EMILIN1: variants seen among roughly 807,000 people sequenced by gnomAD.
The protein encoded by EMILIN1 is EMILIN-1.
Under a neutral mutation model 82.4 loss-of-function variants are expected in EMILIN1, and 49 were observed. The ratio of observed to expected loss-of-function variants is 0.59; its 90% CI spans 0.47 to 0.75. EMILIN1 has a LOEUF of 0.75. Among genes scored for constraint, EMILIN1 ranks in the 30% least tolerant of loss-of-function variants. EMILIN1 has a pLI of 0.00. For missense variants in EMILIN1, 1,313 were observed against 1,366.4 expected (o/e 0.96, Z 0.62); for synonymous variants, 604 against 602.2 (o/e 1.00, Z -0.04).
rs757238418 is a variant in EMILIN1, at chr2:27,080,178, G to A, written c.198G>A (p.Arg66=). Residue 66 remains arginine, a synonymous_variant, in exon 2 of 8, where the codon CGG becomes CGA. Transcript: ENST00000380320. ...ACTGGTGTGCCTACGTGGTGACCCG[G>A]ACAGTGAGCTGTGTCCTTGAGGATG... ...HRNWCAYVVT[R]TVSCVLEDGV... is the part of the protein sequence containing the mutation. The A allele has an allele frequency of 5.0e-6, 8 of 1,613,988 alleles. No individual in the cohort carries two copies. Among genetic ancestry groups the A allele is most frequent in the Middle Eastern group, 3.3e-4 (2 of 6,074 alleles).
intron 1 of EMILIN1, 124 bp from the exon 2 acceptor site, chr2:27,080,027 G>A: frequency 9.1e-7 from 1 of 1,095,448 alleles, no homozygotes; most frequent in East Asian, 2.5e-5. Context: ...CAAAGCCCTT[G>A]CTCTCACTGA....
At position 27,082,920 on chromosome 2, in the gene EMILIN1, G is replaced by A. The variant is rs371224998; in HGVS notation, c.1349G>A (p.Gly450Glu). Residue 450 changes from glycine to glutamate, a missense_variant, in exon 4 of 8, where the codon GGG becomes GAG. Transcript: ENST00000380320. ...PAARGRLEQL[G>E]GLLANVSGEL... is the part of the protein sequence containing the mutation. ...GCCCGGGGCCGACTAGAGCAGTTGG[G>A]GGGGCTGCTGGCCAATGTGAGCGGG... 15 of 1,596,526 alleles carry A rather than the reference G, an allele frequency of 9.4e-6. No homozygotes were observed. Among genetic ancestry groups the A allele is most frequent in the Admixed American group, 8.5e-5 (5 of 59,122 alleles).
In EMILIN1 at chr2:27,079,052, TG is replaced by T; in HGVS notation, c.-12del. 1 of 1,537,738 alleles carries T rather than the reference TG, an allele frequency of 6.5e-7. No homozygotes were observed. The highest frequency in any genetic ancestry group is 8.7e-7 in the Non-Finnish European group (1 of 1,147,798). Reference sequence around the variant, plus strand: ...CGGGATGAGTCTCTGAGGGCCACTGTGGAGCGCCCCGCCATGGCCCCCCGCA... The same window carrying T: ...CGGGATGAGTCTCTGAGGGCCACTGTGAGCGCCCCGCCATGGCCCCCCGCA... On this transcript the variant is annotated 5_prime_UTR_variant, in exon 1 of 8. Coordinates refer to ENST00000380320, the MANE Select transcript of EMILIN1 (RefSeq NM_007046.4).
chr2:27,078,730 G>A lies in EMILIN1; in HGVS notation c.-336G>A, dbSNP rs1175055052. On this transcript the variant is annotated 5_prime_UTR_variant, in exon 1 of 8. Coordinates refer to ENST00000380320, the MANE Select transcript of EMILIN1 (RefSeq NM_007046.4). ...GGCCAGCTGGGACGAGGGGGCGGAC[G>A]CCCAGGAGGCAACTTCTGAGACGCA... is the stretch of plus-strand genomic sequence containing the variant. The A allele has an allele frequency of 1.9e-5, 5 of 268,436 alleles. No individual in the cohort carries two copies. The highest frequency in any genetic ancestry group is 6.9e-5 in the East Asian group (1 of 14,534). 16.6% of individuals were successfully genotyped at this position (268,436 alleles called of 1,614,324 possible).
Position 27,085,862 on chromosome 2 carries a change from C to T in EMILIN1, c.2898C>T (p.Gly966=). The change falls in exon 8 of 8, where the codon GGC becomes GGT. Residue 966 remains glycine, a synonymous_variant. Coordinates refer to ENST00000380320, the MANE Select transcript of EMILIN1 (RefSeq NM_007046.4). ...KPVAESQPSP[G]TLGVFSLILP... ...TGGCCGAGAGCCAGCCCAGCCCGGG[C>T]ACCCTGGGCGTCTTCAGCCTCATCC... 1 of 1,602,068 alleles carries T rather than the reference C, an allele frequency of 6.2e-7. No homozygotes were observed. Among genetic ancestry groups the T allele is most frequent in the South Asian group, 1.1e-5 (1 of 89,952 alleles).
chr2:27,085,052 G>A (rs1669576091), intron 6 of EMILIN1, 44 bp downstream of exon 6: 2 of 1,613,196 alleles, frequency 1.2e-6, no homozygotes, highest in South Asian at 2.2e-5. Context: ...GTGACTAGGG[G>A]TTGGAGGATA....
At position 27,082,858 on chromosome 2, in the gene EMILIN1, T is replaced by C; in HGVS notation, c.1287T>C (p.Pro429=). The change falls in exon 4 of 8, where the codon CCT becomes CCC. Residue 429 remains proline, a synonymous_variant. Coordinates refer to ENST00000380320, the MANE Select transcript of EMILIN1 (RefSeq NM_007046.4). ...CGGAGGAGCAGGAGGAGAGCTGGCC[T>C]GGGGCTCCTGGGGGGCTGAGCCACT... ...GPSEEQEESW[P]GAPGGLSHWL... The C allele has an allele frequency of 1.3e-6, 2 of 1,585,340 alleles. No individual in the cohort carries two copies. Among genetic ancestry groups the C allele is most frequent in the South Asian group, 1.1e-5 (1 of 88,638 alleles).
At chr2:27,084,603 C>T (rs1322663995) in intron 5 of EMILIN1, 72 bp downstream of exon 5, 1 of 897,700 alleles carries the variant, frequency 1.1e-6, no homozygotes, top group African/African-American at 1.6e-5. Flanking sequence ...CCGCTGGCAG[C>T]CCCAGGCTTG....
At position 27,086,376 on chromosome 2, in the gene EMILIN1, TAA is replaced by T. The variant is rs1270026726; in HGVS notation, c.*363_*364del. Reference sequence around the variant, plus strand: ...ACCGCCATACTAAACGATCGAGGAATAAAGACACTTGGTTTTTCTAAAAAAAA... The same window carrying T: ...ACCGCCATACTAAACGATCGAGGAATAGACACTTGGTTTTTCTAAAAAAAA... On this transcript the variant is annotated 3_prime_UTR_variant, in exon 8 of 8. Transcript: ENST00000380320. 3 of 223,910 alleles carry T rather than the reference TAA, an allele frequency of 1.3e-5. No individual in the cohort carries two copies. The highest frequency in any genetic ancestry group is 2.3e-5 in the African/African-American group (1 of 43,886). The allele number at this position is 223,910 out of a possible 1,614,324, so 13.9% of individuals were successfully genotyped here. A position where few individuals can be genotyped will look rare whatever the true frequency, so the allele number is the denominator to read the frequency against.
In EMILIN1 at chr2:27,081,870, C is replaced by A. The variant is rs189549530; in HGVS notation, c.512-213C>A. 1.4e-3 allele frequency among the ~76,000 whole-genome samples: 218 copies of A among 152,350 alleles called. 4 individuals carry two copies. Among genetic ancestry groups the A allele is most frequent in the Admixed American group, 0.012 (184 of 15,310 alleles). On this transcript the variant is annotated intron_variant, in intron 3 of 7. Coordinates refer to ENST00000380320, the MANE Select transcript of EMILIN1 (RefSeq NM_007046.4). ...ATATGATGGGAAGAGTTCATGGTAT[C>A]TCCCCAGGGGAGTTATTGAAGAACA... is the stretch of plus-strand genomic sequence containing the variant.
At position 27,082,497 on chromosome 2, in the gene EMILIN1, T is replaced by C; in HGVS notation, c.926T>C (p.Leu309Pro). Reference sequence around the variant, plus strand: ...TCCTGCTCCGTGTGCCTGGCCGGGCTAGATGGCTTCCGCCGGCAGCAGCAG... The same window carrying C: ...TCCTGCTCCGTGTGCCTGGCCGGGCCAGATGGCTTCCGCCGGCAGCAGCAG... ...QESCSVCLAG[L>P]DGFRRQQQED... The change falls in exon 4 of 8, where the codon CTA (leucine) becomes CCA (proline). Residue 309 changes from leucine to proline, a missense_variant. By Grantham distance (98) the Leu-to-Pro change is moderately conservative. Coordinates refer to ENST00000380320, the MANE Select transcript of EMILIN1 (RefSeq NM_007046.4). 6.5e-7 allele frequency: 1 copy of C among 1,549,644 alleles called. No individual in the cohort carries two copies. Among genetic ancestry groups the C allele is most frequent in the Middle Eastern group, 1.7e-4 (1 of 5,858 alleles).
At position 27,086,031 on chromosome 2, in the gene EMILIN1, G is replaced by A. The variant is rs894300950; in HGVS notation, c.*16G>A. 3.5e-6 allele frequency: 5 copies of A among 1,423,972 alleles called. No individual in the cohort carries two copies. The highest frequency in any genetic ancestry group is 3.7e-6 in the Non-Finnish European group (4 of 1,079,024). The allele number at this position is 1,423,972 out of a possible 1,614,324, so 88.2% of individuals were successfully genotyped here. A position where few individuals can be genotyped will look rare whatever the true frequency, so the allele number is the denominator to read the frequency against. On this transcript the variant is annotated 3_prime_UTR_variant, in exon 8 of 8. Transcript: ENST00000380320. ...ACACGCGTAGACTGGGGTCCCGCCC[G>A]ACGTGTCTACGTCGGCTGAAGAGAC...
rs557123421 is a variant in EMILIN1 at position 27,082,918 on chromosome 2, G to C, written c.1347G>C (p.Leu449Phe). The C allele has an allele frequency of 6.3e-7, 1 of 1,595,844 alleles. No individual in the cohort carries two copies. The highest frequency in any genetic ancestry group is 8.5e-7 in the Non-Finnish European group (1 of 1,176,522). The change falls in exon 4 of 8, where the codon TTG becomes TTC. Residue 449 changes from leucine to phenylalanine, a missense_variant. Physicochemically the swap from Leu to Phe is conservative, Grantham distance 22. Coordinates refer to ENST00000380320, the MANE Select transcript of EMILIN1 (RefSeq NM_007046.4). ...LPAARGRLEQ[L>F]GGLLANVSGE... is the part of the protein sequence containing the mutation. ...CTGCCCGGGGCCGACTAGAGCAGTT[G>C]GGGGGGCTGCTGGCCAATGTGAGCG...
rs745861578 is a variant in EMILIN1, at chr2:27,080,820, G to A, written c.379G>A (p.Asp127Asn). The change falls in exon 3 of 8, where the codon GAT becomes AAT. Residue 127 changes from aspartate to asparagine, a missense_variant. Coordinates refer to ENST00000380320, the MANE Select transcript of EMILIN1 (RefSeq NM_007046.4). ...GAGGTGCTGTCAGGGTTATGGGGGC[G>A]ATGACTGTGCTGAGAGTCCCGCTCC... ...EWRCCQGYGG[D>N]DCAESPAPAL... is the part of the protein sequence containing the mutation. 3.4e-5 allele frequency: 55 copies of A among 1,613,374 alleles called. No homozygotes were observed. The highest frequency in any genetic ancestry group is 9.3e-5 in the African/African-American group (7 of 74,934).
Position 27,079,155 on chromosome 2 carries a change from C to A in EMILIN1, c.90C>A (p.Ser30Arg). Residue 30 changes from serine to arginine, a missense_variant, in exon 1 of 8, where the codon AGC (serine) becomes AGA (arginine). By Grantham distance (110) the Ser-to-Arg change is moderately radical. Transcript: ENST00000380320. ...GAASYPPRGFSLYTGSSGALS... is the reference protein window; with the variant it reads ...GAASYPPRGFRLYTGSSGALS... The stretch of plus-strand genomic sequence containing the variant: ...CCAGCTACCCTCCTCGAGGTTTCAG[C>A]CTCTACACAGGTTCCAGTGGGGCCC... 1.9e-6 allele frequency: 3 copies of A among 1,600,258 alleles called. No homozygotes were observed. Among genetic ancestry groups the A allele is most frequent in the Non-Finnish European group, 2.6e-6 (3 of 1,174,624 alleles).
chr2:27,085,085 C>T lies in EMILIN1; in HGVS notation c.2576-75C>T, dbSNP rs1391278724. 18 of 1,612,972 alleles carry T rather than the reference C, an allele frequency of 1.1e-5. No individual in the cohort carries two copies. In the Admixed American group the frequency reaches 2.3e-4, roughly 21 times the overall value. On this transcript the variant is annotated intron_variant, in intron 6 of 7. Transcript: ENST00000380320. ...ATAGAGGTCCTCGGGCAGCCCTGGG[C>T]TGGGGATCCAGCAGGGGAAGGGGGC...
In EMILIN1 at chr2:27,083,143, G is replaced by C. The variant is rs759528710; in HGVS notation, c.1572G>C (p.Ala524=). The C allele has an allele frequency of 6.3e-7, 1 of 1,595,476 alleles. No individual in the cohort carries two copies. Among genetic ancestry groups the C allele is most frequent in the Non-Finnish European group, 8.5e-7 (1 of 1,169,724 alleles). Residue 524 remains alanine (A), a synonymous_variant, in exon 4 of 8, where the codon GCG becomes GCC. Coordinates refer to ENST00000380320, the MANE Select transcript of EMILIN1 (RefSeq NM_007046.4). ...CCGGCCTGCACACGGTGGAAGCAGC[G>C]GGGGAGGCCCGGCAGGCCACGCTGG... ...VGSGLHTVEA[A]GEARQATLEG...
At position 27,084,456 on chromosome 2, in the gene EMILIN1, C is replaced by G; in HGVS notation, c.2482C>G (p.Gln828Glu). The change falls in exon 5 of 8, where the codon CAG becomes GAG. Residue 828 changes from glutamine (Q) to glutamate (E), a missense_variant. Physicochemically the swap from Gln to Glu is conservative, Grantham distance 29. Coordinates refer to ENST00000380320, the MANE Select transcript of EMILIN1 (RefSeq NM_007046.4). The part of the protein sequence containing the change: ...EAGPPGPPGL[Q>E]GPPGPAGPPG... ...TGGGCCCCCAGGGCCTCCTGGGCTG[C>G]AGGGACCCCCAGGCCCTGCTGGACC... 1 of 1,612,810 alleles carries G rather than the reference C, an allele frequency of 6.2e-7. No homozygotes were observed.
chr2:27,079,069 G>A lies in EMILIN1; in HGVS notation c.4G>A (p.Ala2Thr), dbSNP rs777788737. Reference protein sequence around the residue: MAPRTLWSCYLC... With the variant: MTPRTLWSCYLC... The stretch of plus-strand genomic sequence containing the variant: ...GGCCACTGTGGAGCGCCCCGCCATG[G>A]CCCCCCGCACCCTCTGGAGCTGCTA... The change falls in exon 1 of 8, where the codon GCC (alanine) becomes ACC (threonine). Residue 2 changes from alanine (A) to threonine (T), a missense_variant. Ala to Thr is a moderately conservative substitution (Grantham distance 58). Transcript: ENST00000380320. 6.4e-7 allele frequency: 1 copy of A among 1,561,772 alleles called. No individual in the cohort carries two copies. Among genetic ancestry groups the A allele is most frequent in the Admixed American group, 2.0e-5 (1 of 49,874 alleles).
Sources: allele counts gnomAD v4.1 joint callset (sites outside exome capture counted in the v4.1 genomes callset), GRCh38; gene constraint gnomAD v4.1.1; transcripts MANE v1.5; gene names NCBI Gene and HGNC (gene_info 2026-07-23, HGNC 2026-07-21).